SIMC1: variants seen among roughly 807,000 people sequenced by gnomAD.
SIMC1 encodes SUMO-interacting motif-containing protein 1.
SIMC1 carries 55 observed loss-of-function variants against 82.3 expected under a neutral mutation model. That is an observed-to-expected ratio of 0.67 (90% confidence interval 0.54 to 0.84). The LOEUF is 0.84. SIMC1 is among the 40% of genes least tolerant of loss of function. The pLI is 0.00. For synonymous variants in SIMC1, 353 were observed against 426.3 expected (o/e 0.83, Z 2.12); for missense variants, 915 against 1,107.2 (o/e 0.83, Z 2.46).
chr5:176,328,369 A>G (rs1015844739), intron 7 of SIMC1, among the ~76,000 whole-genome samples: 1 of 152,160 alleles, frequency 6.6e-6, no homozygotes, highest in Non-Finnish European at 1.5e-5. Flanking sequence ...AATTGCTTAC[A>G]TACAGAGAGT....
At chr5:176,277,198 GTGA>G (rs1227262873) in intron 1 of SIMC1, among the ~76,000 whole-genome samples, 1 of 151,770 alleles carries the variant, frequency 6.6e-6, no homozygotes, top group Non-Finnish European at 1.5e-5. Flanking sequence ...CTGATGGCCA[GTGA>G]TGATGAGCAT....
rs1236768553 is a variant in SIMC1 at position 176,333,870 on chromosome 5, T to C, written c.2172-2850T>C. Among the ~76,000 whole-genome samples, 5 of 152,112 alleles carry C rather than the reference T, an allele frequency of 3.3e-5. No homozygotes were observed. The East Asian group carries it at 9.6e-4, about 29-fold the overall frequency. On this transcript the variant is annotated intron_variant, in intron 7 of 9. Transcript: ENST00000429602. ...CTGTTTAGTTTCATTTATTTTGTTT[T>C]CTCTCTTTCTCTCTCAATAGTCTTT...
intron 8 of SIMC1, 34 bp downstream of exon 8, chr5:176,336,910 G>A (rs1474034775): frequency 1.9e-6 from 3 of 1,612,612 alleles, no homozygotes; most frequent in Non-Finnish European, 2.5e-6. Context: ...CAGGCCTAGA[G>A]CACCTCTCTT....
rs569908940 is a variant in SIMC1 at position 176,252,966 on chromosome 5, T to C, written c.129+14329T>C. ...CAGCCTGGCCCACGCTGCGAAACCC[T>C]GTCTCCACCAAAAAAATACGAAAAC... is the stretch of plus-strand genomic sequence containing the variant. On this transcript the variant is annotated intron_variant, in intron 1 of 9. Transcript: ENST00000429602. Among the ~76,000 whole-genome samples the C allele has an allele frequency of 3.9e-5, 6 of 152,330 alleles. No homozygotes were observed. In the South Asian group the frequency reaches 1.0e-3, roughly 26 times the overall value.
At chr5:176,303,325 A>AT (rs374155075) in intron 4 of SIMC1, among the ~76,000 whole-genome samples, 62,646 of 123,112 alleles carry the variant, frequency 0.51, 17,208 homozygotes, top group Middle Eastern at 0.64. Flanking sequence ...AGCCAAAGCA[A>AT]TTTTTTTTTT....
At chr5:176,269,748 A>C (rs1762345638) in intron 1 of SIMC1, among the ~76,000 whole-genome samples, 2 of 152,034 alleles carry the variant, frequency 1.3e-5, no homozygotes, top group Admixed American at 1.3e-4. Context: ...TAAACATGCA[A>C]ATTTTTTTTT....
Position 176,313,337 on chromosome 5 carries a change from C to T in SIMC1, c.1735-354C>T, listed in dbSNP as rs983409491. The T allele has an allele frequency of 2.0e-6, 3 of 1,480,624 alleles. No homozygotes were observed. In the African/African-American group the frequency reaches 4.3e-5, roughly 21 times the overall value. The allele number at this position is 1,480,624 out of a possible 1,614,324, so 91.7% of individuals were successfully genotyped here. On this transcript the variant is annotated intron_variant, in intron 4 of 9. Coordinates refer to ENST00000429602, the MANE Select transcript of SIMC1 (RefSeq NM_001308195.2). ...GGGAGAGATTGACTTCCCATGGCTG[C>T]CTCTTAAATCAAATGATCTACAATC...
chr5:176,259,131 C>T (rs1720141942), intron 1 of SIMC1, among the ~76,000 whole-genome samples: 1 of 152,150 alleles, frequency 6.6e-6, no homozygotes, highest in African/African-American at 2.4e-5. Context: ...TTTAAAGGTA[C>T]ATAATCATAT....
intron 2 of SIMC1, among the ~76,000 whole-genome samples, chr5:176,294,314 C>T (rs1448903496): frequency 6.6e-6 from 1 of 152,156 alleles, no homozygotes; most frequent in African/African-American, 2.4e-5. Context: ...GAGTCTCGCT[C>T]TGTCACCTAG....
chr5:176,336,642 C>T, intron 7 of SIMC1, 78 bp from the exon 8 acceptor site: 2 of 1,546,696 alleles, frequency 1.3e-6, no homozygotes, highest in African/African-American at 2.7e-5. Context: ...AAATGTTGTA[C>T]ATTCAGGGTG....
intron 9 of SIMC1, 126 bp from the exon 10 acceptor site, chr5:176,345,057 C>A: frequency 1.6e-6 from 2 of 1,277,766 alleles, no homozygotes; most frequent in Non-Finnish European, 2.2e-6. Flanking sequence ...CTCACACAGC[C>A]TTCGACTTGT....
chr5:176,318,722 C>G (rs542346650), intron 5 of SIMC1, among the ~76,000 whole-genome samples: 1 of 152,296 alleles, frequency 6.6e-6, no homozygotes, highest in African/African-American at 2.4e-5. Context: ...GATAATTAGA[C>G]TGAGGATAGA....
intron 4 of SIMC1, among the ~76,000 whole-genome samples, chr5:176,305,026 C>G (rs1274871200): frequency 6.8e-6 from 1 of 146,788 alleles, no homozygotes; most frequent in African/African-American, 2.5e-5. Context: ...GCCTCTCCGC[C>G]CGGCAGCCAC....
At chr5:176,315,803 A>T (rs1235465966) in intron 5 of SIMC1, among the ~76,000 whole-genome samples, 2 of 152,148 alleles carry the variant, frequency 1.3e-5, no homozygotes, top group African/African-American at 4.8e-5. Flanking sequence ...CTAAAGATTA[A>T]ATGTTAATAA....
In SIMC1 at chr5:176,290,675, C is replaced by G; in HGVS notation, c.1151C>G (p.Pro384Arg). 6.2e-7 allele frequency: 1 copy of G among 1,614,038 alleles called. No homozygotes were observed. Among genetic ancestry groups the G allele is most frequent in the Non-Finnish European group, 8.5e-7 (1 of 1,179,900 alleles). ...TQNDVQNRDMPMDISALSSPS... is the reference protein window; with the variant it reads ...TQNDVQNRDMRMDISALSSPS... ...AATGATGTACAGAACCGTGACATGC[C>G]TATGGATATCTCAGCTCTGTCCTCT... Residue 384 changes from proline (P) to arginine (R), a missense_variant, in exon 2 of 10, where the codon CCT becomes CGT. Physicochemically the swap from Pro to Arg is moderately radical, Grantham distance 103. Around this residue, in one of 2 missense-constraint regions of SIMC1, gnomAD observed 902 missense variants for 1,040.3 expected, o/e 0.87. Transcript: ENST00000429602.
At chr5:176,340,779 G>C (rs763192175) in intron 9 of SIMC1, among the ~76,000 whole-genome samples, 5 of 152,216 alleles carry the variant, frequency 3.3e-5, no homozygotes, top group Non-Finnish European at 7.3e-5. Flanking sequence ...ATGCTATGAA[G>C]GAAGTACAAG....
At position 176,240,616 on chromosome 5, in the gene SIMC1, T is replaced by C. The variant is rs1189623593; in HGVS notation, c.129+1979T>C. Among the ~76,000 whole-genome samples the C allele has an allele frequency of 2.1e-5, 2 of 94,062 alleles. 1 individual carries two copies. The highest frequency in any genetic ancestry group is 4.8e-5 in the Non-Finnish European group (2 of 42,034). The allele number at this position is 94,062 out of a possible 152,430, so 61.7% of individuals were successfully genotyped here. Reference sequence around the variant, plus strand: ...CAAGCTTATTCTCGTTTTATCTTTTTTGCAAATTAGATAAGAGTGGTATGA... The same window carrying C: ...CAAGCTTATTCTCGTTTTATCTTTTCTGCAAATTAGATAAGAGTGGTATGA... On this transcript the variant is annotated intron_variant, in intron 1 of 9. Transcript: ENST00000429602.
At chr5:176,277,178 T>G (rs1219240300) in intron 1 of SIMC1, among the ~76,000 whole-genome samples, 1 of 151,956 alleles carries the variant, frequency 6.6e-6, no homozygotes, top group Admixed American at 6.6e-5. Flanking sequence ...TGGTTTTGAT[T>G]TGCATTTCTC....
In SIMC1 at chr5:176,336,870, G is replaced by A. The variant is rs768786349; in HGVS notation, c.2322G>A (p.Lys774=). 6 of 1,613,968 alleles carry A rather than the reference G, an allele frequency of 3.7e-6. No homozygotes were observed. In the South Asian group the frequency reaches 6.6e-5, roughly 18 times the overall value. The change falls in exon 8 of 10, where the codon AAG becomes AAA. Residue 774 remains lysine (K), a synonymous_variant. Transcript: ENST00000429602. ...TGAATAATTCTACGTCACTGCTCAA[G>A]TGTCAGGTACATTTTTTCCTGCCCA... ...YFLNNSTSLL[K]CQSDKSQWQT... is the part of the protein sequence containing the mutation.
Sources: allele counts gnomAD v4.1 joint callset (sites outside exome capture counted in the v4.1 genomes callset), GRCh38; gene constraint gnomAD v4.1.1; regional missense constraint gnomAD v4.1.1; transcripts MANE v1.5; gene names NCBI Gene and HGNC (gene_info 2026-07-23, HGNC 2026-07-21).